The following HPGDS variants were observed in gnomAD, a reference collection of about 807,000 sequenced individuals.
HPGDS encodes the protein hematopoietic prostaglandin D synthase.
In HPGDS, 26 loss-of-function variants were observed where a neutral mutation model predicts 23.1. The ratio of observed to expected loss-of-function variants is 1.13; its 90% CI spans 0.83 to 1.56. The LOEUF is 1.56. Ranked by LOEUF, HPGDS falls within the 40% of genes most tolerant of loss-of-function variation. The probability of loss-of-function intolerance (pLI) is 0.00; values close to 1 mark genes in which losing one functional copy is unlikely to be tolerated. For synonymous variants in HPGDS, 95 were observed against 77.9 expected, an observed-to-expected ratio of 1.22 and a Z score of -1.16; for missense variants, 268 against 236.4, an observed-to-expected ratio of 1.13 and a Z score of -0.88.
At chr4:94,317,851 T>A (rs2126040176) in intron 3 of HPGDS, 22 bp downstream of exon 3, 3 of 1,426,164 alleles carry the variant, frequency 2.1e-6, no homozygotes, top group South Asian at 1.2e-5. Context: ...ATCAAAAATC[T>A]TAAGCACAAT....
At chr4:94,304,664 A>G (rs1021424592) in intron 4 of HPGDS, among the ~76,000 whole-genome samples, 1 of 152,070 alleles carries the variant, frequency 6.6e-6, no homozygotes. Flanking sequence ...TGTTAATTAG[A>G]TAGTCTATAG....
At chr4:94,326,089 T>C (rs187680409) in intron 2 of HPGDS, among the ~76,000 whole-genome samples, 183 of 152,240 alleles carry the variant, frequency 1.2e-3, no homozygotes, top group African/African-American at 2.8e-3. Context: ...TATGTATGAC[T>C]TGACACTTTT....
intron 2 of HPGDS, among the ~76,000 whole-genome samples, chr4:94,321,565 G>C (rs1400796662): frequency 6.6e-6 from 1 of 152,152 alleles, no homozygotes; most frequent in Non-Finnish European, 1.5e-5. Flanking sequence ...CTCTCTGTTT[G>C]TCTGTTATTG....
chr4:94,308,273 T>C (rs1316496924), intron 4 of HPGDS, among the ~76,000 whole-genome samples: 2 of 152,104 alleles, frequency 1.3e-5, no homozygotes, highest in African/African-American at 4.8e-5. Flanking sequence ...GTTTGGGGCA[T>C]TTTGGACTTC....
At chr4:94,328,937 A>G (rs573484347) in intron 2 of HPGDS, among the ~76,000 whole-genome samples, 5 of 152,216 alleles carry the variant, frequency 3.3e-5, no homozygotes, top group Non-Finnish European at 5.9e-5. Context: ...GTATATGAGA[A>G]CTATACTTCA....
chr4:94,298,754 G>C lies in HPGDS; in HGVS notation c.*726C>G, dbSNP rs961859975. On this transcript the variant is annotated 3_prime_UTR_variant, in exon 6 of 6. Coordinates refer to ENST00000295256, the MANE Select transcript of HPGDS (RefSeq NM_014485.3). Reference sequence around the variant, plus strand: ...TTCATCTTTACAAGTTTCTCTGGCTGCATATCTAGAGCCTTTTGAGCCGTG... The same window carrying C: ...TTCATCTTTACAAGTTTCTCTGGCTCCATATCTAGAGCCTTTTGAGCCGTG... 1 of 152,088 alleles carries C rather than the reference G, an allele frequency of 6.6e-6. No individual in the cohort carries two copies. The highest frequency in any genetic ancestry group is 1.5e-5 in the Non-Finnish European group (1 of 68,010). The allele number at this position is 152,088 out of a possible 1,614,324, so 9.4% of individuals were successfully genotyped here.
intron 3 of HPGDS, among the ~76,000 whole-genome samples, chr4:94,311,371 C>T (rs551919701): frequency 6.6e-6 from 1 of 151,378 alleles, no homozygotes; most frequent in African/African-American, 2.5e-5. Context: ...TGTCCAAGGC[C>T]TTTTCTGCAT....
rs574214905 is a variant in HPGDS at position 94,315,185 on chromosome 4, C to T, written c.226+2688G>A. On this transcript the variant is annotated intron_variant, in intron 3 of 5. Transcript: ENST00000295256. ...TGACAATCCCCAGTGAGACAATCCC[C>T]GGTACCTCAGTTGGAAATGCAGAAA... 2.0e-5 allele frequency among the ~76,000 whole-genome samples: 3 copies of T among 149,432 alleles called. 1 individual carries two copies. The highest frequency in any genetic ancestry group is 4.5e-5 in the Non-Finnish European group (3 of 67,248).
At chr4:94,341,400 A>G (rs1163602255) in intron 1 of HPGDS, among the ~76,000 whole-genome samples, 1 of 152,172 alleles carries the variant, frequency 6.6e-6, no homozygotes, top group Non-Finnish European at 1.5e-5. Context: ...TCCAATTTCA[A>G]CTCTCTGACA....
Position 94,302,170 on chromosome 4 carries a change from C to G in HPGDS, c.411G>C (p.Gly137=). ...LMQDLDTYLG[G]REWLIGNSVT... ...CAGAGTTACCAATAAGCCATTCTCT[C>G]CCCCCTAAATATGTGTCCAAGTCTT... The change falls in exon 5 of 6, where the codon GGG becomes GGC. Residue 137 remains glycine (G), a synonymous_variant. Coordinates refer to ENST00000295256, the MANE Select transcript of HPGDS (RefSeq NM_014485.3). 1 of 1,610,768 alleles carries G rather than the reference C, an allele frequency of 6.2e-7. No homozygotes were observed. The highest frequency in any genetic ancestry group is 1.1e-5 in the South Asian group (1 of 90,922).
chr4:94,324,826 A>T (rs1224198356), intron 2 of HPGDS, among the ~76,000 whole-genome samples: 1 of 152,158 alleles, frequency 6.6e-6, no homozygotes, highest in Non-Finnish European at 1.5e-5. Context: ...GATCCTTTGG[A>T]CAAGAAGGGG....
At chr4:94,326,286 G>A (rs1756630680) in intron 2 of HPGDS, among the ~76,000 whole-genome samples, 1 of 152,056 alleles carries the variant, frequency 6.6e-6, no homozygotes, top group South Asian at 2.1e-4. Flanking sequence ...TTGTTAATTG[G>A]TTTTCTATGC....
At chr4:94,323,062 T>G (rs1461681509) in intron 2 of HPGDS, among the ~76,000 whole-genome samples, 1 of 152,054 alleles carries the variant, frequency 6.6e-6, no homozygotes, top group African/African-American at 2.4e-5. Flanking sequence ...TTTCCATGTA[T>G]TTGTGTGGTT....
intron 2 of HPGDS, among the ~76,000 whole-genome samples, chr4:94,320,069 T>C (rs1047411144): frequency 2.0e-5 from 3 of 152,216 alleles, no homozygotes; most frequent in African/African-American, 7.2e-5. Context: ...GCTTCATCCA[T>C]GTCCCTACAA....
intron 2 of HPGDS, among the ~76,000 whole-genome samples, chr4:94,319,759 T>C (rs115167466): frequency 0.025 from 3,768 of 152,148 alleles, 106 homozygotes; most frequent in African/African-American, 0.075. Context: ...AAAGACTATT[T>C]CTCCCTCATT....
At chr4:94,333,529 G>A (rs1378335669) in intron 2 of HPGDS, among the ~76,000 whole-genome samples, 1 of 152,090 alleles carries the variant, frequency 6.6e-6, no homozygotes, top group Non-Finnish European at 1.5e-5. Flanking sequence ...ACCCACTTGG[G>A]GTTTTGTGTA....
chr4:94,303,346 C>T (rs944405394), intron 4 of HPGDS, among the ~76,000 whole-genome samples: 1 of 152,050 alleles, frequency 6.6e-6, no homozygotes. Context: ...TCTCAGATAT[C>T]GGTTCTTGAG....
At chr4:94,315,161 G>A (rs1332080909) in intron 3 of HPGDS, among the ~76,000 whole-genome samples, 1 of 64,842 alleles carries the variant, frequency 1.5e-5, no homozygotes, top group Admixed American at 2.2e-4. Context: ...CCTACTGTCT[G>A]ACAATCCCCA....
At chr4:94,302,849 A>T (rs977285522) in intron 4 of HPGDS, among the ~76,000 whole-genome samples, 2 of 152,116 alleles carry the variant, frequency 1.3e-5, no homozygotes, top group Admixed American at 6.6e-5. Context: ...AATATTATTT[A>T]AAAATTAACA....
Sources: gnomAD v4.1 joint callset for allele counts (sites outside exome capture counted in the v4.1 genomes callset) on GRCh38, gnomAD v4.1.1 for gene constraint, MANE v1.5 for transcripts, NCBI Gene and HGNC (gene_info 2026-07-23, HGNC 2026-07-21) for gene names.